Variants in SPAG16 observed in about 807,000 individuals in gnomAD.
SPAG16 encodes sperm-associated antigen 16 protein.
In SPAG16, 86 loss-of-function variants were observed where a neutral mutation model predicts 80.4. That is an observed-to-expected ratio of 1.07 (90% confidence interval 0.90 to 1.28). The LOEUF is 1.28. Ranked by LOEUF, SPAG16 falls within the 50% of genes most tolerant of loss-of-function variation. SPAG16 has a pLI of 0.00. For missense variants in SPAG16, 870 were observed against 765.3 expected (o/e 1.14, Z -1.61); for synonymous variants, 294 against 265.9 (o/e 1.11, Z -1.03).
At chr2:213,635,372 G>A (rs1042063513) in intron 10 of SPAG16, among the ~76,000 whole-genome samples, 6 of 152,232 alleles carry the variant, frequency 3.9e-5, no homozygotes, top group Non-Finnish European at 8.8e-5. Flanking sequence ...TTGTGCTGCT[G>A]TAAGCATGTG....
chr2:213,791,656 TC>T (rs767645309), intron 10 of SPAG16, among the ~76,000 whole-genome samples: 1 of 152,154 alleles, frequency 6.6e-6, no homozygotes, highest in Non-Finnish European at 1.5e-5. Flanking sequence ...CATTCTGAAA[TC>T]TACGTTAAAT....
intron 5 of SPAG16, among the ~76,000 whole-genome samples, chr2:213,323,217 G>A (rs2063698457): frequency 6.6e-6 from 1 of 152,302 alleles, no homozygotes; most frequent in East Asian, 1.9e-4. Context: ...GAGGCGGGCA[G>A]ATCACAAGGT....
intron 10 of SPAG16, among the ~76,000 whole-genome samples, chr2:213,775,789 G>T (rs1012854941): frequency 6.6e-5 from 10 of 152,040 alleles, no homozygotes; most frequent in African/African-American, 2.2e-4. Context: ...CTTTTTAAAG[G>T]TCTTTTCATA....
At chr2:213,594,063 C>T in intron 10 of SPAG16, among the ~76,000 whole-genome samples, 1 of 152,016 alleles carries the variant, frequency 6.6e-6, no homozygotes, top group East Asian at 1.9e-4. Flanking sequence ...GCGTGAGCCA[C>T]CGCGCCCGGC....
At chr2:213,403,486 G>C (rs919576680) in intron 9 of SPAG16, among the ~76,000 whole-genome samples, 6 of 148,322 alleles carry the variant, frequency 4.0e-5, no homozygotes, top group Admixed American at 1.4e-4. Context: ...ATGCAGAAAA[G>C]GCCTTTGACA....
intron 4 of SPAG16, among the ~76,000 whole-genome samples, chr2:213,312,187 T>C (rs2063216225): frequency 6.6e-6 from 1 of 151,558 alleles, no homozygotes; most frequent in African/African-American, 2.4e-5. Context: ...AATTCTAAAA[T>C]ATTTATTCTC....
chr2:214,327,303 C>G (rs971728502), intron 15 of SPAG16, among the ~76,000 whole-genome samples: 2 of 152,170 alleles, frequency 1.3e-5, no homozygotes, highest in East Asian at 3.9e-4. Flanking sequence ...AAATTTTTGT[C>G]AGAAGACAGA....
chr2:214,102,578 C>T (rs1286937514), intron 13 of SPAG16, among the ~76,000 whole-genome samples: 1 of 151,916 alleles, frequency 6.6e-6, no homozygotes, highest in African/African-American at 2.4e-5. Flanking sequence ...AACGGAAAAT[C>T]AGGAGTTTGG....
chr2:214,194,971 C>T (rs1171081708), intron 15 of SPAG16, among the ~76,000 whole-genome samples: 3 of 151,970 alleles, frequency 2.0e-5, no homozygotes, highest in Admixed American at 6.6e-5. Flanking sequence ...CATAGCGTGG[C>T]CCTCATAAAA....
intron 10 of SPAG16, among the ~76,000 whole-genome samples, chr2:213,852,874 T>TA (rs1192843203): frequency 4.6e-5 from 7 of 152,174 alleles, no homozygotes; most frequent in Non-Finnish European, 7.3e-5. Flanking sequence ...GCTGGAATAA[T>TA]AAAAAAATTC....
At chr2:213,534,279 G>A (rs561562859) in intron 10 of SPAG16, among the ~76,000 whole-genome samples, 24 of 151,908 alleles carry the variant, frequency 1.6e-4, no homozygotes, top group Non-Finnish European at 2.8e-4. Flanking sequence ...TATATATACT[G>A]TAATTTAAAA....
intron 14 of SPAG16, among the ~76,000 whole-genome samples, chr2:214,132,362 G>A (rs762508752): frequency 5.3e-5 from 8 of 152,154 alleles, no homozygotes; most frequent in Non-Finnish European, 8.8e-5. Context: ...AATGTGATAG[G>A]TGCTAGCTAC....
intron 15 of SPAG16, among the ~76,000 whole-genome samples, chr2:214,269,196 A>G (rs1338610171): frequency 6.6e-6 from 1 of 152,020 alleles, no homozygotes; most frequent in Non-Finnish European, 1.5e-5. Context: ...ATCATAATCA[A>G]GGGAATTGCC....
intron 13 of SPAG16, among the ~76,000 whole-genome samples, chr2:214,085,892 A>C (rs1284373655): frequency 6.6e-6 from 1 of 152,236 alleles, no homozygotes. Context: ...TACGTGGCAG[A>C]AGCTTTTCCT....
At chr2:213,830,551 A>C (rs1330761995) in intron 10 of SPAG16, among the ~76,000 whole-genome samples, 1 of 152,138 alleles carries the variant, frequency 6.6e-6, no homozygotes, top group Non-Finnish European at 1.5e-5. Flanking sequence ...TAATTGGTAG[A>C]GGTTTCTATT....
intron 15 of SPAG16, among the ~76,000 whole-genome samples, chr2:214,172,933 C>G (rs930713802): frequency 6.6e-6 from 1 of 152,108 alleles, no homozygotes; most frequent in African/African-American, 2.4e-5. Context: ...CCCTTGCCCA[C>G]TGTTGGATGG....
chr2:213,699,933 G>T (rs973075483), intron 10 of SPAG16, among the ~76,000 whole-genome samples: 4 of 152,130 alleles, frequency 2.6e-5, no homozygotes, highest in Non-Finnish European at 5.9e-5. Flanking sequence ...ATCCTTCCTT[G>T]TGTTTTCTCA....
At chr2:213,289,464 A>T (rs1265220968) in intron 1 of SPAG16, among the ~76,000 whole-genome samples, 4 of 152,206 alleles carry the variant, frequency 2.6e-5, no homozygotes, top group Admixed American at 6.5e-5. Context: ...TCCCTGGTAT[A>T]GGATATTAAT....
intron 5 of SPAG16, among the ~76,000 whole-genome samples, chr2:213,335,357 C>T (rs1252292791): frequency 6.6e-6 from 1 of 152,022 alleles, no homozygotes; most frequent in African/African-American, 2.4e-5. Context: ...CAAAACTGTC[C>T]TAAATTGCAC....
Sources: gnomAD v4.1 joint callset for allele counts (sites outside exome capture counted in the v4.1 genomes callset) on GRCh38, gnomAD v4.1.1 for gene constraint, MANE v1.5 for transcripts, NCBI Gene and HGNC (gene_info 2026-07-23, HGNC 2026-07-21) for gene names.